CAPN9: variants seen among roughly 807,000 people sequenced by gnomAD.
CAPN9 encodes the protein calpain-9.
CAPN9 carries 81 observed loss-of-function variants against 92.8 expected under a neutral mutation model. The ratio of observed to expected loss-of-function variants is 0.87; its 90% CI spans 0.73 to 1.05. The LOEUF is 1.05. Among genes scored for constraint, CAPN9 ranks in the 50% least tolerant of loss-of-function variants. The pLI is 0.00. For synonymous variants in CAPN9, 304 were observed against 328.0 expected (o/e 0.93, Z 0.79); for missense variants, 848 against 866.2 (o/e 0.98, Z 0.26).
intron 1 of CAPN9, among the ~76,000 whole-genome samples, chr1:230,749,007 T>A (rs1196899516): frequency 2.6e-5 from 4 of 152,196 alleles, no homozygotes; most frequent in African/African-American, 9.7e-5. Flanking sequence ...TGTGTGACTG[T>A]GTGCACATGT....
At chr1:230,766,092 T>TA (rs1654151882) in intron 4 of CAPN9, among the ~76,000 whole-genome samples, 2 of 144,026 alleles carry the variant, frequency 1.4e-5, no homozygotes, top group South Asian at 2.2e-4. Flanking sequence ...CTCTTTTTTT[T>TA]ATTATTATTT....
intron 9 of CAPN9, 86 bp from the exon 10 acceptor site, chr1:230,780,093 T>C: frequency 8.3e-5 from 55 of 659,934 alleles, no homozygotes; most frequent in South Asian, 1.3e-4. Flanking sequence ...TGTGTGTGTG[T>C]GTGTGTGTGT....
intron 11 of CAPN9, among the ~76,000 whole-genome samples, chr1:230,783,455 G>A (rs547804243): frequency 2.0e-5 from 3 of 152,212 alleles, no homozygotes; most frequent in South Asian, 2.1e-4. Context: ...TGCTATCCTC[G>A]TGATACTGAG....
At chr1:230,768,343 C>T (rs996005506) in intron 5 of CAPN9, among the ~76,000 whole-genome samples, 3 of 152,084 alleles carry the variant, frequency 2.0e-5, no homozygotes, top group Non-Finnish European at 4.4e-5. Context: ...CCCATACAGG[C>T]GCATTTTTAC....
At chr1:230,798,133 G>C (rs766699829) in intron 18 of CAPN9, 29 bp from the exon 19 acceptor site, 5 of 1,534,596 alleles carry the variant, frequency 3.3e-6, no homozygotes, top group African/African-American at 1.4e-5. Context: ...GTCTTTAAAA[G>C]GATGCCTTTC....
intron 3 of CAPN9, among the ~76,000 whole-genome samples, chr1:230,761,632 A>C (rs1665649923): frequency 6.6e-6 from 1 of 151,954 alleles, no homozygotes; most frequent in African/African-American, 2.4e-5. Context: ...CTGATGCAGC[A>C]AGATGCTCAG....
chr1:230,777,197 G>A lies in CAPN9; in HGVS notation c.954-1776G>A, dbSNP rs3790981. ...GTCAGGCTAGTGGAAAGAAGGTCTGGTGCAGACGGTGGGAGAAGCCGGGCA... is the reference window on the plus strand; with the variant it reads ...GTCAGGCTAGTGGAAAGAAGGTCTGATGCAGACGGTGGGAGAAGCCGGGCA... On this transcript the variant is annotated intron_variant, in intron 8 of 19. Transcript: ENST00000271971. Among the ~76,000 whole-genome samples, 94 of 152,296 alleles carry A rather than the reference G, an allele frequency of 6.2e-4. No individual in the cohort carries two copies. In the East Asian group the frequency reaches 0.015, roughly 24 times the overall value.
In CAPN9 at chr1:230,792,413, C is replaced by T. The variant is rs1260935976; in HGVS notation, c.1723-13C>T. ...AAACACTGCTCATGTCTCCCTTAAC[C>T]CACATGGCACAGACCAGCGGCAATG... On this transcript the variant is annotated splice_polypyrimidine_tract_variant and intron_variant, in intron 15 of 19. Coordinates refer to ENST00000271971, the MANE Select transcript of CAPN9 (RefSeq NM_006615.3). 1.9e-6 allele frequency: 3 copies of T among 1,612,556 alleles called. No homozygotes were observed. The highest frequency in any genetic ancestry group is 1.6e-4 in the Middle Eastern group (1 of 6,078).
chr1:230,763,154 A>C (rs754580045), intron 4 of CAPN9, among the ~76,000 whole-genome samples: 3 of 152,186 alleles, frequency 2.0e-5, no homozygotes, highest in Non-Finnish European at 4.4e-5. Flanking sequence ...ACGCACGTTG[A>C]TATAGAGACA....
At chr1:230,753,840 TCCTCCCTC>T (rs3063223) in intron 1 of CAPN9, among the ~76,000 whole-genome samples, 2 of 136,764 alleles carry the variant, frequency 1.5e-5, no homozygotes, top group Non-Finnish European at 3.3e-5. Flanking sequence ...CGGCCCGGCT[TCCTCCCTC>T]CCTCCCTCCC....
chr1:230,801,607 T>C lies in CAPN9; in HGVS notation c.*11T>C. 3 of 1,612,376 alleles carry C rather than the reference T, an allele frequency of 1.9e-6. No individual in the cohort carries two copies. Among genetic ancestry groups the C allele is most frequent in the Non-Finnish European group, 2.5e-6 (3 of 1,178,400 alleles). On this transcript the variant is annotated 3_prime_UTR_variant, in exon 20 of 20. Transcript: ENST00000271971. ...ACAATGAACATCTGAGGCTGCCTTG[T>C]AGAGATGCAGCCTGCCCAGCTGAAT...
At position 230,774,629 on chromosome 1, in the gene CAPN9, C is replaced by T; in HGVS notation, c.951C>T (p.Phe317=). Residue 317 remains phenylalanine, a splice_region_variant and synonymous_variant, in exon 8 of 20, where the codon TTC becomes TTT. Coordinates refer to ENST00000271971, the MANE Select transcript of CAPN9 (RefSeq NM_006615.3). The stretch of plus-strand genomic sequence containing the variant: ...ACACTGCTCTGGATGATGGGGAATT[C>T]TGGTACCGTGCTTGTTCCTGTGTTA... ...LCHTALDDGE[F]WMAFKDFKAH... 1.9e-6 allele frequency: 3 copies of T among 1,612,618 alleles called. No homozygotes were observed. Among genetic ancestry groups the T allele is most frequent in the Non-Finnish European group, 2.5e-6 (3 of 1,178,652 alleles).
intron 1 of CAPN9, chr1:230,752,743 C>T: frequency 1.0e-6 from 1 of 975,986 alleles, no homozygotes; most frequent in African/African-American, 1.8e-5. Context: ...GCAGTGGGGG[C>T]ATTGCTTGCC....
chr1:230,759,049 G>A (rs539284528), intron 2 of CAPN9, among the ~76,000 whole-genome samples: 34 of 152,312 alleles, frequency 2.2e-4, no homozygotes, highest in Admixed American at 1.6e-3. Context: ...GAGCCACCAC[G>A]GAGATACCAT....
At position 230,790,190 on chromosome 1, in the gene CAPN9, G is replaced by C. The variant is rs527658013; in HGVS notation, c.1657+1G>C. ...GTTTTAAATGCTGTGCTGCAAAAGA[G>C]TAAGTGCCAACCCCATCGGGGTCCT... is the stretch of plus-strand genomic sequence containing the variant. On this transcript the variant is annotated splice_donor_variant, in intron 14 of 19. Transcript: ENST00000271971. LOFTEE classifies it high-confidence loss of function. The C allele has an allele frequency of 2.5e-6, 4 of 1,614,042 alleles. No individual in the cohort carries two copies. In the African/African-American group the frequency reaches 4.0e-5, roughly 16 times the overall value.
chr1:230,796,329 TATAAATAAATAAATAAATAAATAA>T (rs67443675), intron 18 of CAPN9, among the ~76,000 whole-genome samples: 3 of 142,234 alleles, frequency 2.1e-5, no homozygotes, highest in South Asian at 2.3e-4. Flanking sequence ...ATCTCAAAAA[TATAAATAAATAAATAAATAAATAA>T]ATAAATAAAT....
rs755310866 is a variant in CAPN9 at position 230,767,693 on chromosome 1, T to A, written c.689T>A (p.Leu230Gln). 6.2e-7 allele frequency: 1 copy of A among 1,612,790 alleles called. No homozygotes were observed. The highest frequency in any genetic ancestry group is 8.5e-7 in the Non-Finnish European group (1 of 1,179,682). Reference sequence around the variant, plus strand: ...AAGGCTTTGAAGAGAGGCTCCCTGCTGGGCTGCTTCATTGATGTAAGTTGC... The same window carrying A: ...AAGGCTTTGAAGAGAGGCTCCCTGCAGGGCTGCTTCATTGATGTAAGTTGC... ...LEKALKRGSL[L>Q]GCFIDTRSAA... Residue 230 changes from leucine (L) to glutamine (Q), a missense_variant, in exon 5 of 20, where the codon CTG becomes CAG. Transcript: ENST00000271971.
intron 8 of CAPN9, 56 bp from the exon 9 acceptor site, chr1:230,778,917 G>A: frequency 6.9e-7 from 1 of 1,444,074 alleles, no homozygotes; most frequent in Non-Finnish European, 9.6e-7. Flanking sequence ...ATGAGTGAAT[G>A]GATGATGCCC....
intron 2 of CAPN9, among the ~76,000 whole-genome samples, chr1:230,756,372 T>A (rs1313968450): frequency 2.0e-5 from 3 of 151,988 alleles, no homozygotes; most frequent in Non-Finnish European, 4.4e-5. Flanking sequence ...AAGTAATAGA[T>A]GATAGGTAGA....
Sources: allele counts gnomAD v4.1 joint callset (sites outside exome capture counted in the v4.1 genomes callset), GRCh38; gene constraint gnomAD v4.1.1; transcripts MANE v1.5; gene names NCBI Gene and HGNC (gene_info 2026-07-23, HGNC 2026-07-21).